The following CDH8 variants were observed in gnomAD, a reference collection of about 807,000 sequenced individuals.
CDH8 encodes cadherin 8, also known as cadherin-8.
A neutral mutation model predicts 68.1 loss-of-function variants in CDH8; 17 were observed. That is an observed-to-expected ratio of 0.25 (90% CI 0.17 to 0.37). CDH8 has a LOEUF of 0.37. CDH8 is among the 10% of genes least tolerant of loss of function. The pLI is 1.00. For synonymous variants in CDH8, 372 were observed against 365.1 expected (o/e 1.02, Z -0.21); for missense variants, 763 against 999.3 (o/e 0.76, Z 3.19).
chr16:61,796,716 T>C lies in CDH8; in HGVS notation c.1278-7234A>G, dbSNP rs117135311. Among the ~76,000 whole-genome samples the C allele has an allele frequency of 2.7e-4, 41 of 152,240 alleles. 1 individual carries two copies. In the East Asian group the frequency reaches 7.5e-3, roughly 28 times the overall value. ...TTCTTGGAAGTAAATGCTAAGGAAC[T>C]GATCCTTTTACTTTGCGGAATTAAG... On this transcript the variant is annotated intron_variant, in intron 7 of 11. Coordinates refer to ENST00000577390, the MANE Select transcript of CDH8 (RefSeq NM_001796.5).
At chr16:61,738,943 T>G (rs1200582149) in intron 8 of CDH8, among the ~76,000 whole-genome samples, 1 of 152,176 alleles carries the variant, frequency 6.6e-6, no homozygotes, top group East Asian at 1.9e-4. Context: ...TTTTATACCC[T>G]TAAGTACATA....
chr16:61,864,946 T>C (rs1197019851), intron 3 of CDH8, among the ~76,000 whole-genome samples: 1 of 152,194 alleles, frequency 6.6e-6, no homozygotes, highest in Non-Finnish European at 1.5e-5. Flanking sequence ...AGGCAGCATG[T>C]GCTTGCCATT....
intron 2 of CDH8, among the ~76,000 whole-genome samples, chr16:61,994,050 C>T (rs2150591608): frequency 6.6e-6 from 1 of 152,232 alleles, no homozygotes; most frequent in Non-Finnish European, 1.5e-5. Context: ...CTAAGAATAC[C>T]ACGCAAAATT....
chr16:61,916,992 C>G (rs1010414761), intron 2 of CDH8, among the ~76,000 whole-genome samples: 1 of 151,684 alleles, frequency 6.6e-6, no homozygotes, highest in Non-Finnish European at 1.5e-5. Flanking sequence ...ACTGAGGGTA[C>G]TTTGAAAGTG....
rs148057723 is a variant in CDH8, at chr16:61,720,791, T to C, written c.1536+6303A>G. ...AGAGCAATAGATTTGTCTATTATAT[T>C]GACCCATTTAGGAATCATGTATAGT... On this transcript the variant is annotated intron_variant, in intron 9 of 11. Transcript: ENST00000577390. 5.5e-3 allele frequency among the ~76,000 whole-genome samples: 829 copies of C among 150,974 alleles called. 9 individuals carry two copies. Among genetic ancestry groups the C allele is most frequent in the African/African-American group, 0.019 (798 of 41,418 alleles).
chr16:61,964,267 C>T (rs1296078413), intron 2 of CDH8, among the ~76,000 whole-genome samples: 2 of 152,104 alleles, frequency 1.3e-5, no homozygotes, highest in Non-Finnish European at 2.9e-5. Context: ...TAATAACCTA[C>T]CCAATTATTC....
At chr16:61,684,672 G>T (rs955021435) in intron 10 of CDH8, among the ~76,000 whole-genome samples, 2 of 151,942 alleles carry the variant, frequency 1.3e-5, no homozygotes, top group African/African-American at 4.8e-5. Flanking sequence ...GCCGTCCAGT[G>T]CTCTGCGCTG....
intron 10 of CDH8, among the ~76,000 whole-genome samples, chr16:61,658,029 T>C (rs565730835): frequency 6.6e-6 from 1 of 152,222 alleles, no homozygotes; most frequent in Admixed American, 6.5e-5. Flanking sequence ...TCTTGCTAAA[T>C]TTTACCTGCC....
intron 2 of CDH8, among the ~76,000 whole-genome samples, chr16:61,919,997 T>C (rs1274353788): frequency 6.6e-6 from 1 of 151,650 alleles, no homozygotes; most frequent in Non-Finnish European, 1.5e-5. Context: ...AAACAAGCAA[T>C]GGGGAAAGGA....
chr16:61,665,873 C>G (rs1339688069), intron 10 of CDH8, among the ~76,000 whole-genome samples: 1 of 143,938 alleles, frequency 6.9e-6, no homozygotes, highest in African/African-American at 2.6e-5. Flanking sequence ...TGCCTCTTTC[C>G]TTTCTTTTAT....
chr16:61,956,816 T>TTCA (rs1313310804), intron 2 of CDH8, among the ~76,000 whole-genome samples: 6 of 152,182 alleles, frequency 3.9e-5, no homozygotes, highest in African/African-American at 1.4e-4. Flanking sequence ...CTTGAAGTTC[T>TTCA]TCATGTAGGT....
chr16:61,976,503 G>A (rs1446919101), intron 2 of CDH8, among the ~76,000 whole-genome samples: 1 of 152,054 alleles, frequency 6.6e-6, no homozygotes, highest in Non-Finnish European at 1.5e-5. Flanking sequence ...GTACTGGAGG[G>A]ACCAGAGGCA....
At chr16:61,877,112 C>T (rs17249073) in intron 3 of CDH8, among the ~76,000 whole-genome samples, 20,126 of 152,066 alleles carry the variant, frequency 0.13, 1,649 homozygotes, top group Middle Eastern at 0.21. Context: ...ATCTGTGTTA[C>T]CAGCATGATG....
At chr16:61,996,430 C>T (rs1422578278) in intron 2 of CDH8, among the ~76,000 whole-genome samples, 1 of 152,174 alleles carries the variant, frequency 6.6e-6, no homozygotes. Context: ...ATTTTCCCTT[C>T]TTAAAAGAGC....
rs377272434 is a variant in CDH8 at position 61,780,799 on chromosome 16, T to C, written c.1414+8547A>G. On this transcript the variant is annotated intron_variant, in intron 8 of 11. Transcript: ENST00000577390. ...CATAGTAATTTCAATTTTTTTAATT[T>C]CTCTGTGATCTTATGATTTCCACTT... Among the ~76,000 whole-genome samples the C allele has an allele frequency of 3.9e-4, 60 of 152,360 alleles. No individual in the cohort carries two copies. In the South Asian group the frequency reaches 9.1e-3, roughly 23 times the overall value.
intron 9 of CDH8, 180 bp downstream of exon 9, chr16:61,726,914 G>A (rs927137204): frequency 7.4e-5 from 47 of 632,536 alleles, no homozygotes; most frequent in Non-Finnish European, 1.0e-4. Context: ...GTCATAAGTA[G>A]GAAGAGAAAT....
chr16:61,971,126 C>T (rs1221260350), intron 2 of CDH8, among the ~76,000 whole-genome samples: 4 of 152,170 alleles, frequency 2.6e-5, no homozygotes, highest in Non-Finnish European at 5.9e-5. Flanking sequence ...AACTTCACCG[C>T]CTATCCCAAA....
chr16:61,658,024 C>T (rs763634798), intron 10 of CDH8, among the ~76,000 whole-genome samples: 4 of 152,034 alleles, frequency 2.6e-5, no homozygotes, highest in Non-Finnish European at 4.4e-5. Flanking sequence ...GTTATTCTTG[C>T]TAAATTTTAC....
chr16:61,774,418 A>G (rs1383035403), intron 8 of CDH8, among the ~76,000 whole-genome samples: 1 of 150,510 alleles, frequency 6.6e-6, no homozygotes. Context: ...AGGAGAGCAC[A>G]GTTCTTTCTG....
Sources: gnomAD v4.1 joint callset for allele counts (sites outside exome capture counted in the v4.1 genomes callset) on GRCh38, gnomAD v4.1.1 for gene constraint, MANE v1.5 for transcripts, NCBI Gene and HGNC (gene_info 2026-07-23, HGNC 2026-07-21) for gene names.